Variants in COL24A1 observed in about 807,000 individuals in gnomAD.
COL24A1 encodes collagen alpha-1(XXIV) chain.
Under a neutral mutation model 253.9 loss-of-function variants are expected in COL24A1, and 224 were observed. The observed-to-expected ratio is 0.88, with a 90% CI of 0.79 to 0.99. The LOEUF (loss-of-function observed/expected upper bound fraction) is 0.99, where lower values mean the gene tolerates loss of function less well. Ranked by LOEUF, COL24A1 falls within the 50% of genes least tolerant of loss-of-function variation. COL24A1 has a pLI of 0.00. For missense variants in COL24A1, 2,131 were observed against 2,068.5 expected, an observed-to-expected ratio of 1.03 and a Z score of -0.59; for synonymous variants, 685 against 673.7, an observed-to-expected ratio of 1.02 and a Z score of -0.26.
At position 85,995,165 on chromosome 1, in the gene COL24A1, T is replaced by A. The variant is rs201343468; in HGVS notation, c.2311-7511A>T. Among the ~76,000 whole-genome samples the A allele has an allele frequency of 3.3e-4, 48 of 143,712 alleles. 1 individual carries two copies. Among genetic ancestry groups the A allele is most frequent in the Middle Eastern group, 7.2e-3 (2 of 278 alleles). 94.3% of individuals were successfully genotyped at this position (143,712 alleles called of 152,430 possible). On this transcript the variant is annotated intron_variant, in intron 19 of 59. Transcript: ENST00000370571. The stretch of plus-strand genomic sequence containing the variant: ...TAGATAGTATTTACAGTATTTTTTT[T>A]AAAAAAGATTGATTCTTGCTCTGTC...
intron 58 of COL24A1, chr1:85,736,376 G>T: frequency 2.2e-6 from 1 of 456,300 alleles, no homozygotes; most frequent in Non-Finnish European, 4.4e-6. Flanking sequence ...CCTCTGCACA[G>T]TTCACACAGC....
intron 8 of COL24A1, among the ~76,000 whole-genome samples, chr1:86,062,617 T>G (rs1013511963): frequency 2.0e-5 from 3 of 152,246 alleles, no homozygotes; most frequent in African/African-American, 7.2e-5. Flanking sequence ...TTTCCTCCAT[T>G]GGAATCCACG....
intron 10 of COL24A1, among the ~76,000 whole-genome samples, chr1:86,054,488 C>T (rs1226065779): frequency 1.3e-5 from 2 of 151,796 alleles, no homozygotes; most frequent in Non-Finnish European, 2.9e-5. Flanking sequence ...GGACAAAGGA[C>T]ATGAATAGAC....
At chr1:86,058,486 T>C (rs2101741324) in intron 9 of COL24A1, among the ~76,000 whole-genome samples, 1 of 151,380 alleles carries the variant, frequency 6.6e-6, no homozygotes, top group East Asian at 2.0e-4. Context: ...TAACAATTTT[T>C]TTCTTATTTC....
chr1:86,112,426 A>T (rs1705705813), intron 5 of COL24A1, 141 bp downstream of exon 5: 7 of 635,004 alleles, frequency 1.1e-5, no homozygotes, highest in Non-Finnish European at 1.9e-5. Flanking sequence ...TAAGACAATC[A>T]TGTTGAAGAA....
chr1:85,952,115 T>C (rs146579293), intron 24 of COL24A1, among the ~76,000 whole-genome samples: 2,432 of 152,282 alleles, frequency 0.016, 35 homozygotes, highest in Admixed American at 0.029. Flanking sequence ...ATAGGAAATA[T>C]AAGTTTAATG....
chr1:85,974,537 T>C (rs1692472276), intron 20 of COL24A1, among the ~76,000 whole-genome samples: 1 of 152,066 alleles, frequency 6.6e-6, no homozygotes, highest in African/African-American at 2.4e-5. Flanking sequence ...ACACGCAAAG[T>C]ACCAGATATT....
At chr1:86,045,878 A>C (rs1339557556) in intron 12 of COL24A1, 2 of 442,168 alleles carry the variant, frequency 4.5e-6, no homozygotes, top group East Asian at 1.4e-4. Context: ...TGCCTCTTCT[A>C]AGCACTGTGA....
Position 86,125,637 on chromosome 1 carries a change from G to A in COL24A1, c.699C>T (p.Asp233=), listed in dbSNP as rs773275638. ...DIIPSAEASA[D]YCRYVKQQCR... ...ACTGCTGTTTCACATATCTGCAGTA[G>A]TCTGCAGATGCTTCTGCAGAAGGAA... The change falls in exon 3 of 60, where the codon GAC becomes GAT. Residue 233 remains aspartate, a synonymous_variant. Coordinates refer to ENST00000370571, the MANE Select transcript of COL24A1 (RefSeq NM_152890.7). 1.9e-6 allele frequency: 3 copies of A among 1,611,542 alleles called. No homozygotes were observed. Among genetic ancestry groups the A allele is most frequent in the Non-Finnish European group, 2.5e-6 (3 of 1,178,054 alleles).
At chr1:85,829,968 A>G (rs1674965773) in intron 43 of COL24A1, among the ~76,000 whole-genome samples, 1 of 152,076 alleles carries the variant, frequency 6.6e-6, no homozygotes, top group Non-Finnish European at 1.5e-5. Flanking sequence ...GCTGGTGAGG[A>G]ACTGCGTTCC....
intron 10 of COL24A1, among the ~76,000 whole-genome samples, chr1:86,050,901 T>C (rs1700250278): frequency 6.6e-6 from 1 of 152,132 alleles, no homozygotes; most frequent in Admixed American, 6.6e-5. Context: ...ATTTCATCAA[T>C]TTTACAGATA....
intron 32 of COL24A1, among the ~76,000 whole-genome samples, chr1:85,889,324 G>A (rs868747556): frequency 9.9e-5 from 15 of 152,164 alleles, no homozygotes; most frequent in African/African-American, 3.6e-4. Context: ...TTTATTTGTT[G>A]AAAATAGAAA....
chr1:85,733,255 T>A (rs1440414653), intron 59 of COL24A1, among the ~76,000 whole-genome samples: 1 of 152,162 alleles, frequency 6.6e-6, no homozygotes, highest in East Asian at 1.9e-4. Flanking sequence ...TGAAGCTACT[T>A]AAAATAATTA....
intron 24 of COL24A1, among the ~76,000 whole-genome samples, chr1:85,933,655 C>G (rs1688003737): frequency 6.6e-6 from 1 of 152,102 alleles, no homozygotes; most frequent in East Asian, 1.9e-4. Context: ...CTTCAAGTAT[C>G]ATATATGCTA....
intron 7 of COL24A1, among the ~76,000 whole-genome samples, chr1:86,076,314 C>T (rs1702239914): frequency 4.6e-5 from 7 of 152,006 alleles, no homozygotes; most frequent in Admixed American, 4.6e-4. Flanking sequence ...AATAAAATAC[C>T]TAGGAATACA....
At chr1:86,028,260 GTGAGGACA>G (rs2101458646) in intron 14 of COL24A1, among the ~76,000 whole-genome samples, 1 of 152,318 alleles carries the variant, frequency 6.6e-6, no homozygotes, top group South Asian at 2.1e-4. Flanking sequence ...GTTTTGAAAT[GTGAGGACA>G]TGAGATTTGG....
chr1:85,801,471 G>T (rs548165972), intron 47 of COL24A1, among the ~76,000 whole-genome samples: 1 of 152,266 alleles, frequency 6.6e-6, no homozygotes, highest in Non-Finnish European at 1.5e-5. Context: ...AAGTGGTTGG[G>T]TTATTCTCAA....
chr1:85,978,328 C>T (rs55917542), intron 20 of COL24A1, among the ~76,000 whole-genome samples: 5,979 of 151,874 alleles, frequency 0.039, 169 homozygotes, highest in Non-Finnish European at 0.061. Context: ...ACACAAAACC[C>T]ACAAGATATT....
At chr1:85,902,222 A>G (rs1684386969) in intron 28 of COL24A1, among the ~76,000 whole-genome samples, 1 of 152,202 alleles carries the variant, frequency 6.6e-6, no homozygotes, top group Non-Finnish European at 1.5e-5. Flanking sequence ...CTCCTTCTGC[A>G]TGCAGCAAGC....
Sources: gnomAD v4.1 joint callset for allele counts (sites outside exome capture counted in the v4.1 genomes callset) on GRCh38, gnomAD v4.1.1 for gene constraint, MANE v1.5 for transcripts, NCBI Gene and HGNC (gene_info 2026-07-23, HGNC 2026-07-21) for gene names.